The following PKNOX2 variants were observed in gnomAD, a reference collection of about 807,000 sequenced individuals.
PKNOX2 encodes the protein homeobox protein PKNOX2.
PKNOX2 carries 14 observed loss-of-function variants against 53.1 expected under a neutral mutation model. The observed-to-expected ratio is 0.26, with a 90% confidence interval of 0.17 to 0.41. The LOEUF is 0.41. Ranked by LOEUF, PKNOX2 falls within the 10% of genes least tolerant of loss-of-function variation. PKNOX2 has a pLI of 1.00. For missense variants in PKNOX2, 496 were observed against 602.8 expected, an observed-to-expected ratio of 0.82 and a Z score of 1.85; for synonymous variants, 257 against 242.8, an observed-to-expected ratio of 1.06 and a Z score of -0.54.
At chr11:125,427,052 T>C (rs556850941) in intron 10 of PKNOX2, among the ~76,000 whole-genome samples, 13 of 152,288 alleles carry the variant, frequency 8.5e-5, no homozygotes, top group Non-Finnish European at 1.3e-4. Flanking sequence ...AAAATCACCA[T>C]ATTTTTGCTG....
chr11:125,409,696 CT>C, intron 7 of PKNOX2, among the ~76,000 whole-genome samples: 1 of 152,134 alleles, frequency 6.6e-6, no homozygotes, highest in South Asian at 2.1e-4. Flanking sequence ...ACAAGCGTCG[CT>C]GAAGGATGAG....
intron 7 of PKNOX2, among the ~76,000 whole-genome samples, chr11:125,405,361 TG>T (rs1377099123): frequency 6.6e-6 from 1 of 152,228 alleles, no homozygotes; most frequent in Non-Finnish European, 1.5e-5. Context: ...CTTCCTTGAG[TG>T]GAAATGAAGT....
intron 2 of PKNOX2, among the ~76,000 whole-genome samples, chr11:125,294,830 C>T (rs763742289): frequency 1.3e-5 from 2 of 152,152 alleles, no homozygotes; most frequent in South Asian, 2.1e-4. Flanking sequence ...AACTACATGC[C>T]AACAATTGCT....
intron 6 of PKNOX2, among the ~76,000 whole-genome samples, chr11:125,391,692 G>A (rs1223502937): frequency 6.6e-6 from 1 of 152,228 alleles, no homozygotes; most frequent in African/African-American, 2.4e-5. Context: ...TGAGACTTGT[G>A]TACAGTGGTA....
At chr11:125,373,800 G>A (rs1189702793) in intron 5 of PKNOX2, among the ~76,000 whole-genome samples, 1 of 152,222 alleles carries the variant, frequency 6.6e-6, no homozygotes, top group Non-Finnish European at 1.5e-5. Flanking sequence ...GGCGTAGAAA[G>A]TAGCTGTGAC....
At position 125,172,947 on chromosome 11, in the gene PKNOX2, TG is replaced by T. The variant is rs1955436596; in HGVS notation, c.-201+8173del. 2.0e-5 allele frequency among the ~76,000 whole-genome samples: 3 copies of T among 152,226 alleles called. 1 individual carries two copies. The highest frequency in any genetic ancestry group is 2.0e-4 in the Admixed American group (3 of 15,282). On this transcript the variant is annotated intron_variant, in intron 1 of 12. Transcript: ENST00000298282. ...CAGCAATTTCAGTCTGAAAACTCAC[TG>T]GCTTCTTCATAAAAAGCAGCATTTA...
At chr11:125,343,772 C>A (rs1446327748) in intron 3 of PKNOX2, among the ~76,000 whole-genome samples, 2 of 151,714 alleles carry the variant, frequency 1.3e-5, no homozygotes. Flanking sequence ...GAGGCGGGAG[C>A]AAGACCACGA....
At chr11:125,390,716 A>G (rs1204484213) in intron 6 of PKNOX2, among the ~76,000 whole-genome samples, 1 of 152,208 alleles carries the variant, frequency 6.6e-6, no homozygotes, top group African/African-American at 2.4e-5. Flanking sequence ...CTGGGATTTG[A>G]ACCAAGTGGC....
chr11:125,363,483 C>A (rs927377229), intron 4 of PKNOX2, among the ~76,000 whole-genome samples: 1 of 152,212 alleles, frequency 6.6e-6, no homozygotes, highest in Admixed American at 6.5e-5. Context: ...TCTTTCCATT[C>A]TCTGAGGCTT....
At chr11:125,195,028 C>T (rs191761754) in intron 1 of PKNOX2, among the ~76,000 whole-genome samples, 294 of 152,228 alleles carry the variant, frequency 1.9e-3, no homozygotes, top group Non-Finnish European at 1.9e-3. Flanking sequence ...AGGCATGGAA[C>T]GCTTAAGGAA....
chr11:125,252,113 G>T (rs917113598), intron 2 of PKNOX2, among the ~76,000 whole-genome samples: 2 of 152,180 alleles, frequency 1.3e-5, no homozygotes, highest in African/African-American at 4.8e-5. Context: ...CGGTGAAGAG[G>T]GCACTTTGTG....
At chr11:125,241,998 G>T (rs1943185427) in intron 2 of PKNOX2, among the ~76,000 whole-genome samples, 2 of 152,198 alleles carry the variant, frequency 1.3e-5, no homozygotes, top group South Asian at 4.1e-4. Flanking sequence ...GATGGTGAAG[G>T]TGGAGGGGGA....
chr11:125,217,934 C>G (rs1356463285), intron 1 of PKNOX2, among the ~76,000 whole-genome samples: 1 of 152,170 alleles, frequency 6.6e-6, no homozygotes, highest in Non-Finnish European at 1.5e-5. Context: ...CTCCTAACCT[C>G]AACTTTCTGT....
At chr11:125,199,714 C>G in intron 1 of PKNOX2, among the ~76,000 whole-genome samples, 1 of 152,116 alleles carries the variant, frequency 6.6e-6, no homozygotes, top group East Asian at 1.9e-4. Flanking sequence ...GATGTGGTGG[C>G]AGGTGCCTGT....
intron 6 of PKNOX2, among the ~76,000 whole-genome samples, chr11:125,389,328 TCCGCTCTGC>T (rs1953875356): frequency 6.6e-6 from 1 of 152,190 alleles, no homozygotes; most frequent in African/African-American, 2.4e-5. Context: ...CTCCTGATCC[TCCGCTCTGC>T]CCACAACATC....
intron 2 of PKNOX2, among the ~76,000 whole-genome samples, chr11:125,273,473 C>T (rs185175752): frequency 4.9e-4 from 74 of 152,336 alleles, no homozygotes; most frequent in African/African-American, 1.6e-3. Context: ...TGCTACCCAC[C>T]TCCCTATGGG....
At chr11:125,357,826 C>T (rs61253732) in intron 4 of PKNOX2, among the ~76,000 whole-genome samples, 5,691 of 152,236 alleles carry the variant, frequency 0.037, 351 homozygotes, top group African/African-American at 0.12. Flanking sequence ...TAATTATCAG[C>T]TCCACTGCTG....
At chr11:125,381,216 C>T (rs1953206140) in intron 5 of PKNOX2, among the ~76,000 whole-genome samples, 1 of 152,152 alleles carries the variant, frequency 6.6e-6, no homozygotes, top group South Asian at 2.1e-4. Context: ...TGTGGGTGAT[C>T]TCAGATGCTG....
At chr11:125,251,961 T>C (rs1426803307) in intron 2 of PKNOX2, among the ~76,000 whole-genome samples, 1 of 152,122 alleles carries the variant, frequency 6.6e-6, no homozygotes, top group East Asian at 1.9e-4. Context: ...TTGCCCACTC[T>C]GTTCAGGCCT....
Sources: allele counts gnomAD v4.1 joint callset (sites outside exome capture counted in the v4.1 genomes callset), GRCh38; gene constraint gnomAD v4.1.1; transcripts MANE v1.5; gene names NCBI Gene and HGNC (gene_info 2026-07-23, HGNC 2026-07-21).